The following CDH4 variants were observed in gnomAD, a reference collection of about 807,000 sequenced individuals.
The protein encoded by CDH4 is cadherin-4.
In CDH4, 33 loss-of-function variants were observed where a neutral mutation model predicts 86.0. The ratio of observed to expected loss-of-function variants is 0.38; its 90% CI spans 0.29 to 0.51. CDH4 has a LOEUF of 0.51. Ranked by LOEUF, CDH4 falls within the 20% of genes least tolerant of loss-of-function variation. The pLI is 0.86. For missense variants in CDH4, 1,114 were observed against 1,307.4 expected (o/e 0.85, Z 2.28); for synonymous variants, 555 against 549.4 (o/e 1.01, Z -0.14).
chr20:61,360,317 C>T (rs1430543925), intron 2 of CDH4, among the ~76,000 whole-genome samples: 3 of 152,200 alleles, frequency 2.0e-5, no homozygotes, highest in Non-Finnish European at 4.4e-5. Flanking sequence ...GGGAGAGACC[C>T]AAGAAGTAGA....
chr20:61,894,864 C>G lies in CDH4; in HGVS notation c.1051-46C>G, dbSNP rs1369630376. The G allele has an allele frequency of 1.9e-6, 3 of 1,583,026 alleles. No homozygotes were observed. In the African/African-American group the frequency reaches 4.1e-5, roughly 21 times the overall value. ...TTGATAAGTGCCCTGTCAATTAAAACCCAAACTGATTTTCTGTTCTTTCTC... is the reference window on the plus strand; with the variant it reads ...TTGATAAGTGCCCTGTCAATTAAAAGCCAAACTGATTTTCTGTTCTTTCTC... On this transcript the variant is annotated intron_variant, in intron 7 of 15. Transcript: ENST00000614565.
chr20:61,845,168 CAG>C (rs1982381743), intron 5 of CDH4, among the ~76,000 whole-genome samples: 1 of 152,242 alleles, frequency 6.6e-6, no homozygotes, highest in Non-Finnish European at 1.5e-5. Flanking sequence ...GGCTGGGAGT[CAG>C]GGTCACCAGC....
intron 2 of CDH4, among the ~76,000 whole-genome samples, chr20:61,387,464 A>T (rs112868129): frequency 6.6e-6 from 1 of 152,104 alleles, no homozygotes; most frequent in Non-Finnish European, 1.5e-5. Context: ...CCACACAAAT[A>T]TATACATACA....
chr20:61,298,563 C>T (rs763106316), intron 2 of CDH4, among the ~76,000 whole-genome samples: 1 of 152,092 alleles, frequency 6.6e-6, no homozygotes. Flanking sequence ...CTGCAGGTAC[C>T]CTGAGGCCCT....
intron 2 of CDH4, among the ~76,000 whole-genome samples, chr20:61,383,808 AAGATATATATGCG>A (rs1199772887): frequency 0.22 from 30,653 of 136,432 alleles, 4,275 homozygotes; most frequent in African/African-American, 0.32. Flanking sequence ...CATATATATG[AAGATATATATGCG>A]TATATATGAA....
chr20:61,538,123 C>CCACCCA (rs1401862686), intron 2 of CDH4, among the ~76,000 whole-genome samples: 2 of 152,180 alleles, frequency 1.3e-5, no homozygotes, highest in Non-Finnish European at 2.9e-5. Context: ...AGGCCAAGTT[C>CCACCCA]AAGTCCACCC....
chr20:61,883,791 T>G (rs1055404823), intron 7 of CDH4, among the ~76,000 whole-genome samples: 1 of 152,128 alleles, frequency 6.6e-6, no homozygotes, highest in South Asian at 2.1e-4. Flanking sequence ...TCCATCTTGT[T>G]CCTCCCAGAC....
rs532965368 is a variant in CDH4, at chr20:61,346,143, A to G, written c.169+91206A>G. Among the ~76,000 whole-genome samples the G allele has an allele frequency of 2.0e-5, 3 of 152,248 alleles. No homozygotes were observed. The East Asian group carries it at 5.8e-4, about 30-fold the overall frequency. ...GGCTGAGGGGTGATGTGCAGTCAGG[A>G]CAGTCTCTCTCAGGGTGAGGTGGTC... On this transcript the variant is annotated intron_variant, in intron 2 of 15. Transcript: ENST00000614565.
chr20:61,734,136 A>G (rs2088231358), intron 2 of CDH4, among the ~76,000 whole-genome samples: 1 of 152,228 alleles, frequency 6.6e-6, no homozygotes, highest in Non-Finnish European at 1.5e-5. Flanking sequence ...CCGAGTCTCC[A>G]CAGAGGCTTT....
chr20:61,272,813 T>C (rs1054215280), intron 2 of CDH4, among the ~76,000 whole-genome samples: 1 of 140,050 alleles, frequency 7.1e-6, no homozygotes, highest in African/African-American at 2.7e-5. Flanking sequence ...ATGCACATTT[T>C]GGGGGAGTAC....
At chr20:61,507,790 T>C (rs1240353771) in intron 2 of CDH4, among the ~76,000 whole-genome samples, 1 of 152,170 alleles carries the variant, frequency 6.6e-6, no homozygotes, top group Non-Finnish European at 1.5e-5. Context: ...ACTTCATTAA[T>C]AACAACATAT....
chr20:61,630,889 T>A (rs2145787680), intron 2 of CDH4, among the ~76,000 whole-genome samples: 1 of 152,294 alleles, frequency 6.6e-6, no homozygotes, highest in East Asian at 1.9e-4. Flanking sequence ...CTTGCTACAT[T>A]TCTGTGCCCG....
At chr20:61,587,497 T>C (rs1026234564) in intron 2 of CDH4, among the ~76,000 whole-genome samples, 8 of 152,298 alleles carry the variant, frequency 5.3e-5, no homozygotes, top group African/African-American at 1.7e-4. Flanking sequence ...CTCTTAGTCC[T>C]GGGTCATCCC....
intron 2 of CDH4, among the ~76,000 whole-genome samples, chr20:61,423,570 CT>C (rs1457717139): frequency 1.3e-5 from 2 of 152,138 alleles, no homozygotes; most frequent in African/African-American, 4.8e-5. Context: ...TTAGCATTGA[CT>C]TTTGGATGGC....
intron 2 of CDH4, among the ~76,000 whole-genome samples, chr20:61,381,677 TA>T (rs2084901843): frequency 6.6e-6 from 1 of 151,288 alleles, no homozygotes; most frequent in Non-Finnish European, 1.5e-5. Flanking sequence ...CCCCCCCACC[TA>T]AGGAATATCA....
chr20:61,815,628 G>C (rs1465364539), intron 4 of CDH4, among the ~76,000 whole-genome samples: 1 of 152,228 alleles, frequency 6.6e-6, no homozygotes, highest in African/African-American at 2.4e-5. Flanking sequence ...AGCCCGCCTG[G>C]TTGGCATCTG....
intron 6 of CDH4, among the ~76,000 whole-genome samples, chr20:61,854,817 T>G (rs1262090124): frequency 6.8e-6 from 1 of 146,814 alleles, no homozygotes; most frequent in Non-Finnish European, 1.5e-5. Flanking sequence ...CAGGGTGAAT[T>G]GCGCCCTTGG....
intron 3 of CDH4, among the ~76,000 whole-genome samples, chr20:61,764,068 C>T (rs2088670343): frequency 6.6e-6 from 1 of 152,214 alleles, no homozygotes; most frequent in Admixed American, 6.5e-5. Flanking sequence ...CCTCACCTTG[C>T]AGCCACAGCC....
intron 2 of CDH4, among the ~76,000 whole-genome samples, chr20:61,580,876 G>A (rs1388966929): frequency 1.3e-5 from 2 of 152,228 alleles, no homozygotes; most frequent in Admixed American, 6.5e-5. Flanking sequence ...AGGAGTGGAT[G>A]TGAGCCCGAG....
Sources: allele counts gnomAD v4.1 joint callset (sites outside exome capture counted in the v4.1 genomes callset), GRCh38; gene constraint gnomAD v4.1.1; transcripts MANE v1.5; gene names NCBI Gene and HGNC (gene_info 2026-07-23, HGNC 2026-07-21).